HDAC9: variants seen among roughly 807,000 people sequenced by gnomAD.
HDAC9 encodes MEF-2 interacting transcription repressor (MITR) protein.
Under a neutral mutation model 139.4 loss-of-function variants are expected in HDAC9, and 41 were observed. That is an observed-to-expected ratio of 0.29 (90% CI 0.23 to 0.38). HDAC9 has a LOEUF of 0.38. Ranked by LOEUF, HDAC9 falls within the 10% of genes least tolerant of loss-of-function variation. HDAC9 has a pLI of 1.00. For missense variants in HDAC9, 1,147 were observed against 1,297.0 expected (o/e 0.88, Z 1.78); for synonymous variants, 517 against 476.2 (o/e 1.09, Z -1.12).
At chr7:18,829,031 C>T in intron 17 of HDAC9, 130 bp from the exon 18 acceptor site, 5 of 706,216 alleles carry the variant, frequency 7.1e-6, no homozygotes, top group Admixed American at 4.1e-5. Context: ...CAAAAACAAT[C>T]TCGGAAGCGT....
chr7:18,506,455 T>G (rs76392280), intron 2 of HDAC9, among the ~76,000 whole-genome samples: 1,561 of 152,304 alleles, frequency 0.01, 31 homozygotes, highest in African/African-American at 0.036. Flanking sequence ...GAATATGGCA[T>G]TACACACACA....
intron 2 of HDAC9, among the ~76,000 whole-genome samples, chr7:18,265,470 A>G (rs1356251047): frequency 6.6e-6 from 1 of 152,212 alleles, no homozygotes; most frequent in African/African-American, 2.4e-5. Flanking sequence ...GCATGTGGCT[A>G]GAAAACACCA....
intron 2 of HDAC9, among the ~76,000 whole-genome samples, chr7:18,280,290 A>G (rs895456999): frequency 2.0e-5 from 3 of 152,008 alleles, no homozygotes; most frequent in Non-Finnish European, 4.4e-5. Flanking sequence ...CATCTCTACA[A>G]AAAAGTTAAA....
At chr7:18,869,600 G>A (rs11761877) in intron 21 of HDAC9, among the ~76,000 whole-genome samples, 38,640 of 145,440 alleles carry the variant, frequency 0.27, 5,348 homozygotes, top group South Asian at 0.49. Flanking sequence ...AAGAGACTGA[G>A]TCCTCAACTT....
chr7:18,693,556 T>C (rs964970369), intron 12 of HDAC9, among the ~76,000 whole-genome samples: 5 of 152,144 alleles, frequency 3.3e-5, no homozygotes, highest in Admixed American at 2.6e-4. Flanking sequence ...CAGATGCTTC[T>C]GGTGGTGCAG....
intron 17 of HDAC9, among the ~76,000 whole-genome samples, chr7:18,818,879 C>G (rs936271500): frequency 1.3e-5 from 2 of 152,054 alleles, no homozygotes; most frequent in Admixed American, 1.3e-4. Flanking sequence ...GCCCATGGGA[C>G]AATCTTAATG....
Position 18,987,493 on chromosome 7 carries a change from A to G in HDAC9, c.3171-8530A>G, listed in dbSNP as rs1053843267. 5.3e-5 allele frequency among the ~76,000 whole-genome samples: 8 copies of G among 152,336 alleles called. No individual in the cohort carries two copies. The South Asian group carries it at 1.0e-3, about 20-fold the overall frequency. On this transcript the variant is annotated intron_variant, in intron 25 of 25. Coordinates refer to ENST00000686413, the MANE Select transcript of HDAC9 (RefSeq NM_178425.4). Reference sequence around the variant, plus strand: ...CCAGTATTTTATTGAGGATTTTTGCATCAATGTTCATCAAGGCTATTGGTC... The same window carrying G: ...CCAGTATTTTATTGAGGATTTTTGCGTCAATGTTCATCAAGGCTATTGGTC...
intron 2 of HDAC9, among the ~76,000 whole-genome samples, chr7:18,534,141 C>G (rs1465100893): frequency 6.6e-6 from 1 of 152,124 alleles, no homozygotes; most frequent in African/African-American, 2.4e-5. Context: ...AGCATTTGAT[C>G]TTTGGAAGCT....
chr7:18,711,058 A>G (rs1784309045), intron 12 of HDAC9, among the ~76,000 whole-genome samples: 4 of 152,200 alleles, frequency 2.6e-5, no homozygotes, highest in Admixed American at 6.5e-5. Context: ...GATGCCTAGA[A>G]TATGTTTAGC....
chr7:18,641,271 T>C (rs1785511410), intron 8 of HDAC9, among the ~76,000 whole-genome samples: 1 of 152,098 alleles, frequency 6.6e-6, no homozygotes, highest in Non-Finnish European at 1.5e-5. Flanking sequence ...AGAAATTAAA[T>C]AAGATTTTGA....
intron 1 of HDAC9, among the ~76,000 whole-genome samples, chr7:18,426,162 G>A (rs1033126485): frequency 3.9e-5 from 6 of 152,202 alleles, no homozygotes; most frequent in African/African-American, 1.2e-4. Context: ...ATCAGATAGA[G>A]TAATTCCAGG....
chr7:18,542,835 C>G (rs1813456895), intron 2 of HDAC9, among the ~76,000 whole-genome samples: 1 of 151,956 alleles, frequency 6.6e-6, no homozygotes, highest in African/African-American at 2.4e-5. Context: ...AGAAATTTAT[C>G]CTAAGTGTGT....
At chr7:18,744,184 G>T (rs1028320068) in intron 13 of HDAC9, among the ~76,000 whole-genome samples, 2 of 151,888 alleles carry the variant, frequency 1.3e-5, no homozygotes, top group Non-Finnish European at 2.9e-5. Context: ...TAGAGACGGG[G>T]TTTCTCCATG....
At chr7:18,586,094 A>G (rs1464005414) in intron 3 of HDAC9, among the ~76,000 whole-genome samples, 1 of 152,194 alleles carries the variant, frequency 6.6e-6, no homozygotes, top group Non-Finnish European at 1.5e-5. Context: ...ATGTTTTTAT[A>G]GACTGTAGAT....
intron 14 of HDAC9, among the ~76,000 whole-genome samples, chr7:18,754,081 G>C (rs1788680417): frequency 6.6e-6 from 1 of 152,032 alleles, no homozygotes; most frequent in South Asian, 2.1e-4. Context: ...TGGTTACATG[G>C]GTTAACTTTT....
intron 2 of HDAC9, among the ~76,000 whole-genome samples, chr7:18,576,334 A>G (rs1825923827): frequency 6.6e-6 from 1 of 152,184 alleles, no homozygotes; most frequent in African/African-American, 2.4e-5. Flanking sequence ...AACAGGCAGC[A>G]GTGGCAGAGA....
chr7:18,694,991 C>G (rs1584859274), intron 12 of HDAC9, among the ~76,000 whole-genome samples: 1 of 152,116 alleles, frequency 6.6e-6, no homozygotes. Flanking sequence ...AAATTTTCCT[C>G]ATGCTTTATC....
chr7:18,749,897 G>T (rs1158215590), intron 14 of HDAC9, among the ~76,000 whole-genome samples: 1 of 151,958 alleles, frequency 6.6e-6, no homozygotes, highest in Admixed American at 6.6e-5. Flanking sequence ...GCCCTTCATG[G>T]GTTTTCTCAC....
chr7:18,814,183 C>T (rs1038000217), intron 17 of HDAC9, among the ~76,000 whole-genome samples: 1 of 152,164 alleles, frequency 6.6e-6, no homozygotes, highest in East Asian at 1.9e-4. Flanking sequence ...CTGACACCTA[C>T]TTTGCACTTT....
Sources: allele counts gnomAD v4.1 joint callset (sites outside exome capture counted in the v4.1 genomes callset), GRCh38; gene constraint gnomAD v4.1.1; transcripts MANE v1.5; gene names NCBI Gene and HGNC (gene_info 2026-07-23, HGNC 2026-07-21).